RFESD: variants seen among roughly 807,000 people sequenced by gnomAD.
The protein encoded by RFESD is Rieske domain-containing protein.
A neutral mutation model predicts 24.4 loss-of-function variants in RFESD; 16 were observed. The ratio of observed to expected loss-of-function variants is 0.66; its 90% CI spans 0.44 to 1.00. RFESD has a LOEUF of 1.00. RFESD is among the 50% of genes least tolerant of loss of function. The probability of loss-of-function intolerance (pLI) is 0.00; values close to 1 mark genes in which losing one functional copy is unlikely to be tolerated. For missense variants in RFESD, 208 were observed against 247.0 expected (o/e 0.84, Z 1.06); for synonymous variants, 59 against 81.8 (o/e 0.72, Z 1.50).
At position 95,656,556 on chromosome 5, in the gene RFESD, T is replaced by C. The variant is rs1400365894; in HGVS notation, c.*247T>C. The stretch of plus-strand genomic sequence containing the variant: ...ACCTGAAGGTTATAGGTTTGGGATG[T>C]TCTGTTTAAGAAGGATAAAAATAAA... On this transcript the variant is annotated 3_prime_UTR_variant, in exon 6 of 6. Transcript: ENST00000380005. 3.1e-6 allele frequency: 1 copy of C among 326,538 alleles called. No individual in the cohort carries two copies. The highest frequency in any genetic ancestry group is 4.6e-5 in the Admixed American group (1 of 21,822). The allele number at this position is 326,538 out of a possible 1,614,324, so 20.2% of individuals were successfully genotyped here.
intron 2 of RFESD, 37 bp downstream of exon 2, chr5:95,652,368 A>T: frequency 6.5e-7 from 1 of 1,544,332 alleles, no homozygotes; most frequent in Non-Finnish European, 8.8e-7. Context: ...GAAACTCCCC[A>T]GTTTTTCTCT....
Position 95,652,152 on chromosome 5 carries a change from C to T in RFESD, c.-120C>T. 1 of 1,280,000 alleles carries T rather than the reference C, an allele frequency of 7.8e-7. No individual in the cohort carries two copies. The highest frequency in any genetic ancestry group is 1.0e-6 in the Non-Finnish European group (1 of 974,332). 79.3% of individuals were successfully genotyped at this position (1,280,000 alleles called of 1,614,324 possible). On this transcript the variant is annotated 5_prime_UTR_variant, in exon 2 of 6. Transcript: ENST00000380005. ...TTTTTTCCAGGTTACCACCTATTTG[C>T]AATTCAAGGAGAATATAAGACAGAG...
In RFESD at chr5:95,646,799, G is replaced by T. The variant is rs1750117547; in HGVS notation, c.-154G>T. ...CGTGCAGTAGCGTCACGCGGAGGCG[G>T]AGCGAGGACTCGGGGACAGTAAGTT... On this transcript the variant is annotated 5_prime_UTR_variant, in exon 1 of 6. Coordinates refer to ENST00000380005, the MANE Select transcript of RFESD (RefSeq NM_001131066.2). 6.6e-6 allele frequency: 1 copy of T among 152,286 alleles called. No homozygotes were observed. Among genetic ancestry groups the T allele is most frequent in the South Asian group, 2.1e-4 (1 of 4,838 alleles). 9.4% of individuals were successfully genotyped at this position (152,286 alleles called of 1,614,324 possible).
intron 1 of RFESD, among the ~76,000 whole-genome samples, chr5:95,649,133 A>G (rs931058590): frequency 1.5e-5 from 2 of 136,188 alleles, no homozygotes; most frequent in African/African-American, 5.1e-5. Context: ...AATAATTTTA[A>G]TTATAAGAAA....
At chr5:95,650,451 T>C (rs990109954) in intron 1 of RFESD, among the ~76,000 whole-genome samples, 3 of 152,242 alleles carry the variant, frequency 2.0e-5, no homozygotes, top group East Asian at 1.9e-4. Flanking sequence ...ATATCTGATA[T>C]CTGTCTTCCA....
At chr5:95,647,251 C>A (rs1241731050) in intron 1 of RFESD, 1 of 152,164 alleles carries the variant, frequency 6.6e-6, no homozygotes, top group Admixed American at 6.5e-5. Context: ...CGGTCTTTAC[C>A]GAAATGTTAA....
chr5:95,651,449 C>CT (rs1290959256), intron 1 of RFESD, among the ~76,000 whole-genome samples: 2 of 152,130 alleles, frequency 1.3e-5, no homozygotes, highest in African/African-American at 4.8e-5. Context: ...GGCTGGAGTA[C>CT]AGTGGTATGA....
intron 1 of RFESD, among the ~76,000 whole-genome samples, chr5:95,648,892 C>CTTTT (rs35016122): frequency 3.3e-4 from 24 of 72,438 alleles, no homozygotes; most frequent in African/African-American, 6.6e-4. Context: ...GATAGTAGTG[C>CTTTT]TTTTTTTTTT....
chr5:95,648,431 G>A lies in RFESD; in HGVS notation c.-136+1614G>A, dbSNP rs7711473. Among the ~76,000 whole-genome samples, 1,344 of 152,198 alleles carry A rather than the reference G, an allele frequency of 8.8e-3. 21 individuals carry two copies. Among genetic ancestry groups the A allele is most frequent in the African/African-American group, 0.031 (1,275 of 41,522 alleles). ...GACTTAAAATCGAAACATATTGGGAGTTTATGAATAGTTCATCAAAATAAC... is the reference window on the plus strand; with the variant it reads ...GACTTAAAATCGAAACATATTGGGAATTTATGAATAGTTCATCAAAATAAC... On this transcript the variant is annotated intron_variant, in intron 1 of 5. Transcript: ENST00000380005.
chr5:95,647,946 C>T (rs1372076676), intron 1 of RFESD: 1 of 152,168 alleles, frequency 6.6e-6, no homozygotes, highest in Non-Finnish European at 1.5e-5. Context: ...AAACTACTCT[C>T]TAAGGCATTT....
chr5:95,651,455 T>A (rs1580257869), intron 1 of RFESD, among the ~76,000 whole-genome samples: 1 of 152,270 alleles, frequency 6.6e-6, no homozygotes, highest in South Asian at 2.1e-4. Context: ...AGTACAGTGG[T>A]ATGATCATAG....
intron 3 of RFESD, 130 bp downstream of exon 3, chr5:95,653,344 A>G: frequency 7.9e-7 from 1 of 1,273,712 alleles, no homozygotes; most frequent in South Asian, 1.6e-5. Flanking sequence ...GAGGCTGAAG[A>G]CTATTCAGAC....
rs373847785 is a variant in RFESD, at chr5:95,649,033, A to G, written c.-136+2216A>G. 7.9e-5 allele frequency among the ~76,000 whole-genome samples: 12 copies of G among 151,856 alleles called. 1 individual carries two copies. Among genetic ancestry groups the G allele is most frequent in the African/African-American group, 2.7e-4 (11 of 41,440 alleles). ...CTATGCACAGGCACATTCTCTGAGG[A>G]TAGAAAGGGCAATTTTGTTCCATTT... On this transcript the variant is annotated intron_variant, in intron 1 of 5. Coordinates refer to ENST00000380005, the MANE Select transcript of RFESD (RefSeq NM_001131066.2).
At chr5:95,647,526 T>G (rs752538202) in intron 1 of RFESD, 1 of 152,156 alleles carries the variant, frequency 6.6e-6, no homozygotes, top group Non-Finnish European at 1.5e-5. Context: ...TGATCACAAT[T>G]CAACATCATA....
At chr5:95,647,087 AGCTTTC>A (rs1463176146) in intron 1 of RFESD, 1 of 152,212 alleles carries the variant, frequency 6.6e-6, no homozygotes, top group Non-Finnish European at 1.5e-5. Flanking sequence ...GTTTTTAACA[AGCTTTC>A]ATGGCATTTG....
At chr5:95,654,676 T>C (rs988666297) in intron 5 of RFESD, among the ~76,000 whole-genome samples, 2 of 152,192 alleles carry the variant, frequency 1.3e-5, no homozygotes, top group Admixed American at 1.3e-4. Flanking sequence ...AAATAAATTA[T>C]GATACAGCCA....
intron 3 of RFESD, 55 bp downstream of exon 3, chr5:95,653,269 T>C: frequency 6.5e-7 from 1 of 1,548,442 alleles, no homozygotes; most frequent in Non-Finnish European, 8.7e-7. Flanking sequence ...GTAATAGCTA[T>C]CTGGTTGTGC....
intron 5 of RFESD, 50 bp downstream of exon 5, chr5:95,654,417 C>A (rs769320881): frequency 2.9e-5 from 35 of 1,196,086 alleles, no homozygotes; most frequent in Non-Finnish European, 3.6e-5. Context: ...TAAATATATT[C>A]AAAAATAATT....
rs1277765017 is a variant in RFESD, at chr5:95,652,841, C to T, written c.61-276C>T. On this transcript the variant is annotated intron_variant, in intron 2 of 5. Coordinates refer to ENST00000380005, the MANE Select transcript of RFESD (RefSeq NM_001131066.2). ...GGCAAGCCACCACCTTTTTCATGGACCCCTAGCTTTCTGATTTCTGGGCAT... is the reference window on the plus strand; with the variant it reads ...GGCAAGCCACCACCTTTTTCATGGATCCCTAGCTTTCTGATTTCTGGGCAT... The T allele has an allele frequency of 3.0e-5, 12 of 396,414 alleles. No individual in the cohort carries two copies. The East Asian group carries it at 3.3e-4, about 11-fold the overall frequency. The allele number at this position is 396,414 out of a possible 1,614,324, so 24.6% of individuals were successfully genotyped here. A position where few individuals can be genotyped will look rare whatever the true frequency, so the allele number is the denominator to read the frequency against.
Sources: gnomAD v4.1 joint callset for allele counts (sites outside exome capture counted in the v4.1 genomes callset) on GRCh38, gnomAD v4.1.1 for gene constraint, MANE v1.5 for transcripts, NCBI Gene and HGNC (gene_info 2026-07-23, HGNC 2026-07-21) for gene names.